Variants in TSEN2 observed in about 807,000 individuals in gnomAD.
TSEN2 encodes the protein tRNA splicing endonuclease subunit 2.
Under a neutral mutation model 59.2 loss-of-function variants are expected in TSEN2, and 54 were observed. The ratio of observed to expected loss-of-function variants is 0.91; its 90% CI spans 0.73 to 1.14. The LOEUF is 1.14. TSEN2 is among the 50% of genes most tolerant of loss of function. The pLI is 0.00. For missense variants in TSEN2, 636 were observed against 576.2 expected (o/e 1.10, Z -1.06); for synonymous variants, 195 against 198.2 (o/e 0.98, Z 0.14).
rs761625303 is a variant in TSEN2 at position 12,503,495 on chromosome 3, G to C, written c.542G>C (p.Gly181Ala). 1 of 1,614,238 alleles carries C rather than the reference G, an allele frequency of 6.2e-7. No individual in the cohort carries two copies. Among genetic ancestry groups the C allele is most frequent in the Non-Finnish European group, 8.5e-7 (1 of 1,180,038 alleles). The change falls in exon 5 of 12, where the codon GGT (glycine) becomes GCT (alanine). Residue 181 changes from glycine (G) to alanine (A), a missense_variant. Gly to Ala is a moderately conservative substitution (Grantham distance 60, BLOSUM62 0). Coordinates refer to ENST00000284995, the MANE Select transcript of TSEN2 (RefSeq NM_025265.4). ...GTAAACGGGGACTCTGGAAAGTCAG[G>C]TGGTGTGGGTGATCCCCGTGAGCCA... The part of the protein sequence containing the change: ...SVVNGDSGKS[G>A]GVGDPREPLG...
At chr3:12,483,840 C>T (rs2052317324), upstream of TSEN2, among the ~76,000 whole-genome samples, 1 of 152,166 alleles carries the variant, frequency 6.6e-6, no homozygotes, top group Admixed American at 6.5e-5. Flanking sequence ...TGCTCATCTC[C>T]CGTAATTCTG....
intron 8 of TSEN2, among the ~76,000 whole-genome samples, chr3:12,520,555 C>T (rs990902729): frequency 5.3e-5 from 8 of 152,018 alleles, no homozygotes; most frequent in South Asian, 2.1e-4. Flanking sequence ...TTTGGGAGGC[C>T]GAGGCGGGCA....
At chr3:12,505,783 CAAAAAAAAA>C (rs34334319) in intron 6 of TSEN2, among the ~76,000 whole-genome samples, 2 of 84,684 alleles carry the variant, frequency 2.4e-5, no homozygotes, top group Admixed American at 1.4e-4. Flanking sequence ...AACTCTGTCT[CAAAAAAAAA>C]AAAAAAAAAA....
chr3:12,519,289 G>GTT, intron 8 of TSEN2, 92 bp downstream of exon 8: 1 of 1,541,246 alleles, frequency 6.5e-7, no homozygotes, highest in African/African-American at 1.4e-5. Context: ...TGTTGATGAT[G>GTT]TTTTCTAAGA....
At chr3:12,507,115 C>A (rs751299880) in intron 6 of TSEN2, among the ~76,000 whole-genome samples, 2 of 152,300 alleles carry the variant, frequency 1.3e-5, no homozygotes, top group African/African-American at 2.4e-5. Flanking sequence ...ATCACTTGAA[C>A]CCGGGAGGCG....
intron 1 of TSEN2, among the ~76,000 whole-genome samples, chr3:12,487,429 G>A (rs1286917467): frequency 6.6e-6 from 1 of 152,202 alleles, no homozygotes; most frequent in East Asian, 1.9e-4. Context: ...AAATGAGGCA[G>A]ACTAAAATAC....
chr3:12,483,539 A>T (rs983339644), upstream of TSEN2, among the ~76,000 whole-genome samples: 3 of 152,204 alleles, frequency 2.0e-5, no homozygotes, highest in Admixed American at 6.5e-5. Context: ...ACCAGGAATT[A>T]CTGCAGCTAA....
intron 2 of TSEN2, 31 bp downstream of exon 2, chr3:12,490,020 T>A: frequency 6.2e-7 from 1 of 1,607,250 alleles, no homozygotes; most frequent in Non-Finnish European, 8.5e-7. Context: ...TAAGATTACT[T>A]TCAGACAACC....
At chr3:12,513,718 T>C (rs547130420) in intron 6 of TSEN2, among the ~76,000 whole-genome samples, 1 of 152,346 alleles carries the variant, frequency 6.6e-6, no homozygotes, top group African/African-American at 2.4e-5. Context: ...AACAACTTTA[T>C]CTTTTCCATT....
chr3:12,532,557 T>C (rs1295080301), intron 11 of TSEN2, 105 bp from the exon 12 acceptor site: 1 of 1,092,754 alleles, frequency 9.2e-7, no homozygotes, highest in East Asian at 2.4e-5. Flanking sequence ...GTATCATCAT[T>C]ATATAGACCG....
In TSEN2 at chr3:12,490,042, GTCCTT is replaced by G. The variant is rs949474712; in HGVS notation, c.189+59_189+63del. 1.9e-6 allele frequency: 3 copies of G among 1,545,620 alleles called. No individual in the cohort carries two copies. The African/African-American group carries it at 4.1e-5, about 21-fold the overall frequency. ...ACTTTCAGACAACCCTGAGCAAGCA[GTCCTT>G]TCCTTCTCCCCATCCCAGCCATACC... On this transcript the variant is annotated intron_variant, in intron 2 of 11. Coordinates refer to ENST00000284995, the MANE Select transcript of TSEN2 (RefSeq NM_025265.4).
chr3:12,518,612 AT>A (rs1416474472), intron 7 of TSEN2, among the ~76,000 whole-genome samples: 3 of 152,180 alleles, frequency 2.0e-5, no homozygotes, highest in Non-Finnish European at 4.4e-5. Flanking sequence ...CATTAAAAAC[AT>A]TTTTTAAAAA....
At chr3:12,498,267 T>A (rs1477699263) in intron 4 of TSEN2, among the ~76,000 whole-genome samples, 1 of 152,122 alleles carries the variant, frequency 6.6e-6, no homozygotes, top group Non-Finnish European at 1.5e-5. Context: ...GGGAGGTGTA[T>A]GTTGTCCTAC....
intron 1 of TSEN2, among the ~76,000 whole-genome samples, chr3:12,487,261 A>T (rs2052712945): frequency 6.6e-6 from 1 of 152,222 alleles, no homozygotes; most frequent in South Asian, 2.1e-4. Flanking sequence ...CATGAGCAAG[A>T]GTAACACAAG....
chr3:12,493,904 T>C (rs1020526920), intron 3 of TSEN2, among the ~76,000 whole-genome samples: 1 of 152,224 alleles, frequency 6.6e-6, no homozygotes, highest in African/African-American at 2.4e-5. Context: ...CGTTGCCAAG[T>C]CCAAATCATG....
intron 10 of TSEN2, chr3:12,531,326 G>T (rs2057445400): frequency 2.0e-6 from 1 of 494,236 alleles, no homozygotes; most frequent in East Asian, 3.5e-5. Context: ...TCTTAATGCT[G>T]TGTTTATAAT....
At position 12,529,854 on chromosome 3, in the gene TSEN2, T is replaced by C. The variant is rs2057347781; in HGVS notation, c.1229T>C (p.Val410Ala). The C allele has an allele frequency of 6.2e-7, 1 of 1,614,118 alleles. No homozygotes were observed. Among genetic ancestry groups the C allele is most frequent in the Admixed American group, 1.7e-5 (1 of 60,006 alleles). The change falls in exon 10 of 12, where the codon GTT (valine) becomes GCT (alanine). Residue 410 changes from valine to alanine, a missense_variant. Coordinates refer to ENST00000284995, the MANE Select transcript of TSEN2 (RefSeq NM_025265.4). ...AAGTCCCTGGCTGCCTTGAGCAGAG[T>C]TTCCGTTAATGTCTCTAAGGTAACA... ...SWKSLAALSR[V>A]SVNVSKELML...
upstream of TSEN2, among the ~76,000 whole-genome samples, chr3:12,481,118 CTT>C (rs1351732457): frequency 6.6e-6 from 1 of 152,204 alleles, no homozygotes; most frequent in African/African-American, 2.4e-5. Context: ...CCCAGATTAA[CTT>C]GAATTTCAGA....
chr3:12,490,141 T>C, intron 2 of TSEN2, 152 bp downstream of exon 2: 1 of 816,876 alleles, frequency 1.2e-6, no homozygotes, highest in Non-Finnish European at 2.1e-6. Flanking sequence ...AAAGTACAAT[T>C]TGAATTAGTG....
Sources: gnomAD v4.1 joint callset for allele counts (sites outside exome capture counted in the v4.1 genomes callset) on GRCh38, gnomAD v4.1.1 for gene constraint, MANE v1.5 for transcripts, NCBI Gene and HGNC (gene_info 2026-07-23, HGNC 2026-07-21) for gene names.